BABAM2: variants seen among roughly 807,000 people sequenced by gnomAD.
The protein encoded by BABAM2 is BRISC and BRCA1-A complex member 2.
BABAM2 carries 31 observed loss-of-function variants against 54.7 expected under a neutral mutation model. The ratio of observed to expected loss-of-function variants is 0.57; its 90% CI spans 0.43 to 0.77. The LOEUF (loss-of-function observed/expected upper bound fraction) is 0.77. Ranked by LOEUF, BABAM2 falls within the 30% of genes least tolerant of loss-of-function variation. The pLI is 0.00. For missense variants in BABAM2, 364 were observed against 455.8 expected, an observed-to-expected ratio of 0.80 and a Z score of 1.83; for synonymous variants, 167 against 162.9, an observed-to-expected ratio of 1.03 and a Z score of -0.19.
At chr2:28,290,020 A>G (rs868295086) in intron 10 of BABAM2, among the ~76,000 whole-genome samples, 101 of 152,312 alleles carry the variant, frequency 6.6e-4, no homozygotes, top group African/African-American at 2.3e-3. Context: ...TACTTTAATT[A>G]CATAGACATT....
chr2:28,267,500 G>A (rs1381383153), intron 10 of BABAM2, among the ~76,000 whole-genome samples: 1 of 151,948 alleles, frequency 6.6e-6, no homozygotes, highest in Non-Finnish European at 1.5e-5. Flanking sequence ...GTTTTATCAG[G>A]AAAGTCTAAC....
intron 7 of BABAM2, among the ~76,000 whole-genome samples, chr2:28,227,533 A>G (rs76477016): frequency 0.022 from 3,373 of 152,192 alleles, 105 homozygotes; most frequent in African/African-American, 0.077. Flanking sequence ...CATTTTACCC[A>G]TGTGTACATC....
At chr2:28,254,846 A>G (rs1395120482) in intron 10 of BABAM2, among the ~76,000 whole-genome samples, 1 of 146,654 alleles carries the variant, frequency 6.8e-6, no homozygotes, top group African/African-American at 2.5e-5. Flanking sequence ...GGACCCTCCC[A>G]CCTCAGCCTC....
At chr2:27,925,187 AG>A (rs1667599436) in intron 2 of BABAM2, among the ~76,000 whole-genome samples, 1 of 152,154 alleles carries the variant, frequency 6.6e-6, no homozygotes, top group South Asian at 2.1e-4. Flanking sequence ...TAAAACACAA[AG>A]GTGAGGTTTT....
At chr2:27,950,625 C>T (rs2148405862) in intron 3 of BABAM2, among the ~76,000 whole-genome samples, 1 of 151,922 alleles carries the variant, frequency 6.6e-6, no homozygotes, top group East Asian at 1.9e-4. Flanking sequence ...ATGCTTTTTC[C>T]TATTTTTTTC....
At chr2:28,040,859 A>G (rs923968996) in intron 5 of BABAM2, among the ~76,000 whole-genome samples, 2 of 152,196 alleles carry the variant, frequency 1.3e-5, no homozygotes, top group African/African-American at 4.8e-5. Flanking sequence ...TTCTTTCAGT[A>G]TGACATTAGT....
rs988583128 is a variant in BABAM2 at position 28,101,299 on chromosome 2, A to G, written c.571-27972A>G. Among the ~76,000 whole-genome samples, 8 of 152,286 alleles carry G rather than the reference A, an allele frequency of 5.3e-5. No individual in the cohort carries two copies. The South Asian group carries it at 1.7e-3, about 32-fold the overall frequency. On this transcript the variant is annotated intron_variant, in intron 6 of 11. Transcript: ENST00000379624. ...GCATGGACTCATTCACACATGATTC[A>G]AACAGCTGACACAACAGGGTTATGG...
rs1375422651 is a variant in BABAM2, at chr2:28,131,067, A to ATT, written c.680+1688_680+1689dup. 4.2e-3 allele frequency among the ~76,000 whole-genome samples: 7 copies of ATT among 1,670 alleles called. No homozygotes were observed. The East Asian group carries it at 0.051, about 12-fold the overall frequency. 1.1% of individuals were successfully genotyped at this position (1,670 alleles called of 152,430 possible). ...CAAAGAGTGTTTTATTATTATTATT[A>ATT]TTATTATTATTATTTTTTTTTTTTT... On this transcript the variant is annotated intron_variant, in intron 7 of 11. Coordinates refer to ENST00000379624, the MANE Select transcript of BABAM2 (RefSeq NM_199191.3).
rs146880854 is a variant in BABAM2, at chr2:28,316,821, C to G, written c.1088+18330C>G. ...CACTGTGCCCTGGCAATCCAAGGAT[C>G]ATGGATATCGAAGCCAGAAAGATAA... On this transcript the variant is annotated intron_variant, in intron 11 of 11. Transcript: ENST00000379624. Among the ~76,000 whole-genome samples the G allele has an allele frequency of 5.3e-4, 80 of 152,276 alleles. 1 individual carries two copies. The highest frequency in any genetic ancestry group is 1.7e-3 in the African/African-American group (71 of 41,578).
intron 6 of BABAM2, among the ~76,000 whole-genome samples, chr2:28,102,949 A>AT: frequency 6.6e-6 from 1 of 152,276 alleles, no homozygotes; most frequent in East Asian, 1.9e-4. Flanking sequence ...TAAAATAATG[A>AT]TTTTACAAAC....
intron 4 of BABAM2, among the ~76,000 whole-genome samples, chr2:28,012,186 T>C (rs1573387761): frequency 6.6e-6 from 1 of 152,306 alleles, no homozygotes; most frequent in East Asian, 1.9e-4. Flanking sequence ...TCCTTCAAAA[T>C]CACATCCCTG....
At chr2:27,938,249 A>G (rs1668629164) in intron 3 of BABAM2, among the ~76,000 whole-genome samples, 1 of 152,232 alleles carries the variant, frequency 6.6e-6, no homozygotes, top group African/African-American at 2.4e-5. Context: ...AATCAACATA[A>G]TATTCGTCTT....
At chr2:27,899,292 G>C (rs1263443660) in intron 2 of BABAM2, among the ~76,000 whole-genome samples, 1 of 152,128 alleles carries the variant, frequency 6.6e-6, no homozygotes, top group Non-Finnish European at 1.5e-5. Flanking sequence ...ATATCAACCT[G>C]AAATTCTTAC....
intron 6 of BABAM2, among the ~76,000 whole-genome samples, chr2:28,065,868 C>T (rs1206182908): frequency 3.3e-5 from 5 of 150,228 alleles, no homozygotes; most frequent in African/African-American, 1.2e-4. Flanking sequence ...TGGCTGGGTG[C>T]GGTAGCTCAT....
chr2:28,136,460 G>A (rs894963699), intron 7 of BABAM2, among the ~76,000 whole-genome samples: 1 of 152,262 alleles, frequency 6.6e-6, no homozygotes, highest in African/African-American at 2.4e-5. Flanking sequence ...CTCAACCACA[G>A]TCTCCATTGA....
At chr2:28,283,284 A>T (rs925845546) in intron 10 of BABAM2, among the ~76,000 whole-genome samples, 8 of 152,320 alleles carry the variant, frequency 5.3e-5, no homozygotes, top group African/African-American at 1.7e-4. Context: ...CTCATTTGTA[A>T]AACGGAGAGT....
chr2:28,092,277 G>A (rs13405377), intron 6 of BABAM2, among the ~76,000 whole-genome samples: 1 of 151,752 alleles, frequency 6.6e-6, no homozygotes, highest in African/African-American at 2.4e-5. Context: ...AAGTACAACT[G>A]CCTTTGTTTA....
chr2:28,324,469 G>A (rs577855751), intron 11 of BABAM2, among the ~76,000 whole-genome samples: 1 of 152,078 alleles, frequency 6.6e-6, no homozygotes, highest in Non-Finnish European at 1.5e-5. Context: ...TATTAGCTGT[G>A]TGATCTTAGA....
In BABAM2 at chr2:27,929,875, C is replaced by G; in HGVS notation, c.172C>G (p.Leu58Val). 1.2e-6 allele frequency: 2 copies of G among 1,613,620 alleles called. No homozygotes were observed. Among genetic ancestry groups the G allele is most frequent in the Non-Finnish European group, 1.7e-6 (2 of 1,179,540 alleles). ...TGGGCCCAACTGTGACCGATTTAAACTGCACATACCATATGCTGGAGAGAC... is the reference window on the plus strand; with the variant it reads ...TGGGCCCAACTGTGACCGATTTAAAGTGCACATACCATATGCTGGAGAGAC... The part of the protein sequence containing the change: ...TPGPNCDRFK[L>V]HIPYAGETLK... Residue 58 changes from leucine to valine, a missense_variant, in exon 3 of 12, where the codon CTG becomes GTG. By Grantham distance (32) the Leu-to-Val change is conservative. Transcript: ENST00000379624.
Sources: allele counts gnomAD v4.1 joint callset (sites outside exome capture counted in the v4.1 genomes callset), GRCh38; gene constraint gnomAD v4.1.1; transcripts MANE v1.5; gene names NCBI Gene and HGNC (gene_info 2026-07-23, HGNC 2026-07-21).